The following THSD7A variants were observed in gnomAD, a reference collection of about 807,000 sequenced individuals.
THSD7A encodes the protein thrombospondin type-1 domain-containing protein 7A.
In THSD7A, 96 loss-of-function variants were observed where a neutral mutation model predicts 231.3. The observed-to-expected ratio is 0.41, with a 90% CI of 0.35 to 0.49. The LOEUF is 0.49. Ranked by LOEUF, THSD7A falls within the 20% of genes least tolerant of loss-of-function variation. The pLI is 0.05. For missense variants in THSD7A, 2,290 were observed against 2,070.2 expected (o/e 1.11, Z -2.06); for synonymous variants, 940 against 743.3 (o/e 1.26, Z -4.30).
At chr7:11,769,467 A>G (rs1389072438) in intron 1 of THSD7A, among the ~76,000 whole-genome samples, 1 of 152,000 alleles carries the variant, frequency 6.6e-6, no homozygotes, top group East Asian at 1.9e-4. Flanking sequence ...CTGCCATTTC[A>G]TAATAACTTG....
At chr7:11,501,468 A>C (rs1787334380) in intron 6 of THSD7A, among the ~76,000 whole-genome samples, 3 of 152,190 alleles carry the variant, frequency 2.0e-5, no homozygotes, top group Admixed American at 1.3e-4. Flanking sequence ...AAATCAACAC[A>C]ATGAAAATTG....
At chr7:11,724,747 C>G (rs1305061145) in intron 1 of THSD7A, among the ~76,000 whole-genome samples, 1 of 151,796 alleles carries the variant, frequency 6.6e-6, no homozygotes, top group Non-Finnish European at 1.5e-5. Flanking sequence ...TGAAAACCAC[C>G]ATTACATATA....
intron 11 of THSD7A, among the ~76,000 whole-genome samples, chr7:11,457,476 A>T (rs925239654): frequency 6.6e-6 from 1 of 151,932 alleles, no homozygotes; most frequent in African/African-American, 2.4e-5. Context: ...CAATTTATTT[A>T]TTTTTGCCTA....
intron 4 of THSD7A, among the ~76,000 whole-genome samples, chr7:11,581,389 T>C (rs1023731229): frequency 8.5e-5 from 13 of 152,236 alleles, no homozygotes; most frequent in African/African-American, 2.6e-4. Flanking sequence ...ACTTTATTAG[T>C]ACATCATCCA....
At chr7:11,382,725 A>T in intron 23 of THSD7A, 109 bp from the exon 24 acceptor site, 1 of 840,412 alleles carries the variant, frequency 1.2e-6, no homozygotes, top group Middle Eastern at 2.3e-4. Context: ...CTCATCTCTG[A>T]TGATTCAAAT....
At chr7:11,445,750 T>G (rs1784946454) in intron 13 of THSD7A, among the ~76,000 whole-genome samples, 1 of 152,090 alleles carries the variant, frequency 6.6e-6, no homozygotes, top group African/African-American at 2.4e-5. Flanking sequence ...ATTGGGTGTG[T>G]TTAATGTACA....
intron 13 of THSD7A, among the ~76,000 whole-genome samples, chr7:11,443,884 T>A (rs1209803067): frequency 1.3e-5 from 2 of 152,046 alleles, no homozygotes; most frequent in African/African-American, 4.8e-5. Context: ...TACAATAGAA[T>A]CTATGTGATA....
chr7:11,825,425 T>C (rs922790515), intron 1 of THSD7A, among the ~76,000 whole-genome samples: 2 of 152,124 alleles, frequency 1.3e-5, no homozygotes, highest in East Asian at 3.9e-4. Flanking sequence ...CCTTATAACT[T>C]GGAGTATCTA....
chr7:11,750,361 G>T (rs2128164537), intron 1 of THSD7A, among the ~76,000 whole-genome samples: 1 of 151,932 alleles, frequency 6.6e-6, no homozygotes, highest in Admixed American at 6.6e-5. Context: ...GCAAGCAGAG[G>T]GTATAGTTGT....
chr7:11,713,518 A>G (rs187376873), intron 1 of THSD7A, among the ~76,000 whole-genome samples: 11 of 151,404 alleles, frequency 7.3e-5, no homozygotes, highest in Admixed American at 4.6e-4. Flanking sequence ...TCATGGAGGC[A>G]TAAGTAGGTA....
intron 1 of THSD7A, among the ~76,000 whole-genome samples, chr7:11,781,543 A>T (rs1259085460): frequency 6.6e-6 from 1 of 152,174 alleles, no homozygotes; most frequent in Non-Finnish European, 1.5e-5. Flanking sequence ...CCTATTTAAT[A>T]ACTTGTCCCC....
Position 11,490,761 on chromosome 7 carries a change from T to C in THSD7A, c.1823-8779A>G, listed in dbSNP as rs183496843. On this transcript the variant is annotated intron_variant, in intron 6 of 27. Coordinates refer to ENST00000423059, the MANE Select transcript of THSD7A (RefSeq NM_015204.3). ...TTCATGTGCTCCACATTTAGTTTTT[T>C]AGTAACTAGTTCAAATTCTGGCTTC... Among the ~76,000 whole-genome samples the C allele has an allele frequency of 9.9e-5, 15 of 152,236 alleles. No homozygotes were observed. In the South Asian group the frequency reaches 2.3e-3, roughly 23 times the overall value.
chr7:11,549,232 T>C (rs1275873973), intron 4 of THSD7A, among the ~76,000 whole-genome samples: 1 of 152,042 alleles, frequency 6.6e-6, no homozygotes, highest in Non-Finnish European at 1.5e-5. Context: ...TACTAAAAAG[T>C]CAAGAAACAA....
intron 6 of THSD7A, among the ~76,000 whole-genome samples, chr7:11,534,160 G>A (rs1339653078): frequency 6.6e-6 from 1 of 152,138 alleles, no homozygotes; most frequent in Non-Finnish European, 1.5e-5. Context: ...TGGATGGGGA[G>A]GGTGTATATT....
chr7:11,602,653 T>C lies in THSD7A; in HGVS notation c.1023-9151A>G, dbSNP rs28698974. On this transcript the variant is annotated intron_variant, in intron 2 of 27. Coordinates refer to ENST00000423059, the MANE Select transcript of THSD7A (RefSeq NM_015204.3). ...AATTTAGACAGTTTTGGGTGAGCAG[T>C]GAAAATAAGAATGGAAATTGAAGGC... Among the ~76,000 whole-genome samples the C allele has an allele frequency of 6.1e-3, 928 of 151,976 alleles. 8 individuals carry two copies. The highest frequency in any genetic ancestry group is 0.021 in the African/African-American group (884 of 41,490).
intron 19 of THSD7A, among the ~76,000 whole-genome samples, chr7:11,410,145 A>C (rs562504646): frequency 2.9e-4 from 44 of 152,364 alleles, no homozygotes; most frequent in African/African-American, 1.0e-3. Flanking sequence ...AGTTTAAATA[A>C]TGAATACATT....
intron 1 of THSD7A, among the ~76,000 whole-genome samples, chr7:11,750,899 A>G (rs958829401): frequency 1.3e-5 from 2 of 152,056 alleles, no homozygotes; most frequent in African/African-American, 4.8e-5. Flanking sequence ...CAATAGAGTC[A>G]AAGAGTCACT....
At chr7:11,436,536 C>T (rs1055135432) in intron 13 of THSD7A, among the ~76,000 whole-genome samples, 1 of 152,052 alleles carries the variant, frequency 6.6e-6, no homozygotes, top group African/African-American at 2.4e-5. Context: ...GACTCAGATA[C>T]TGCATTCCCA....
rs1437423406 is a variant in THSD7A, at chr7:11,411,986, TAC to T, written c.3683-666_3683-665del. ...CCAATATGACTGTTATGTGTCATTG[TAC>T]AGTTTCTTGAGTTTGTTGCAGAGTG... On this transcript the variant is annotated intron_variant, in intron 18 of 27. Transcript: ENST00000423059. The surrounding 1 kb of genome is among the most constrained non-coding windows in gnomAD (Gnocchi z 4.1). 1.6e-4 allele frequency among the ~76,000 whole-genome samples: 24 copies of T among 152,140 alleles called. No individual in the cohort carries two copies. Among genetic ancestry groups the T allele is most frequent in the African/African-American group, 5.8e-4 (24 of 41,416 alleles).
Sources: gnomAD v4.1 joint callset for allele counts (sites outside exome capture counted in the v4.1 genomes callset) on GRCh38, gnomAD v4.1.1 for gene constraint, Gnocchi (gnomAD v3.1) non-coding constraint, MANE v1.5 for transcripts, NCBI Gene and HGNC (gene_info 2026-07-23, HGNC 2026-07-21) for gene names.